The following EGFR variants were observed in gnomAD, a reference collection of about 807,000 sequenced individuals.
The protein encoded by EGFR is avian erythroblastic leukemia viral (v-erb-b) oncogene homolog.
Under a neutral mutation model 143.0 loss-of-function variants are expected in EGFR, and 58 were observed. That is an observed-to-expected ratio of 0.41 (90% CI 0.33 to 0.50). EGFR has a LOEUF of 0.50. EGFR is among the 20% of genes least tolerant of loss of function. EGFR has a pLI of 0.39. For synonymous variants in EGFR, 613 were observed against 594.4 expected (o/e 1.03, Z -0.45); for missense variants, 1,307 against 1,579.0 (o/e 0.83, Z 2.92).
intron 1 of EGFR, among the ~76,000 whole-genome samples, chr7:55,099,490 C>A (rs1225307743): frequency 6.6e-6 from 1 of 152,206 alleles, no homozygotes; most frequent in Non-Finnish European, 1.5e-5. Flanking sequence ...TGCTTGAAAT[C>A]GCTAAGCAGG....
At chr7:55,097,246 C>T (rs1244017474) in intron 1 of EGFR, among the ~76,000 whole-genome samples, 1 of 152,132 alleles carries the variant, frequency 6.6e-6, no homozygotes, top group African/African-American at 2.4e-5. Context: ...GCAGTACTGC[C>T]TGGAACGCAG....
intron 1 of EGFR, among the ~76,000 whole-genome samples, chr7:55,117,482 T>C (rs1157900820): frequency 6.6e-6 from 1 of 152,218 alleles, no homozygotes; most frequent in African/African-American, 2.4e-5. Context: ...GAACGGCTCT[T>C]GGCCATGGTT....
At chr7:55,172,379 G>A (rs1035687138) in intron 16 of EGFR, among the ~76,000 whole-genome samples, 1 of 152,164 alleles carries the variant, frequency 6.6e-6, no homozygotes, top group African/African-American at 2.4e-5. Context: ...GCACCCTACA[G>A]TCTGAGGCTG....
intron 1 of EGFR, among the ~76,000 whole-genome samples, chr7:55,090,815 A>T (rs1360902099): frequency 3.9e-5 from 6 of 152,230 alleles, no homozygotes; most frequent in African/African-American, 1.4e-4. Context: ...TGAGGCTAGT[A>T]AAAAGTGAAA....
chr7:55,101,800 C>T (rs1791847784), intron 1 of EGFR, among the ~76,000 whole-genome samples: 1 of 152,190 alleles, frequency 6.6e-6, no homozygotes, highest in African/African-American at 2.4e-5. Flanking sequence ...AAACTTAGAA[C>T]AAGTTTGCCT....
Position 55,142,298 on chromosome 7 carries a change from C to G in EGFR, c.101C>G (p.Thr34Arg), listed in dbSNP as rs144158123. ...CTTTTTCTTCCAGTTTGCCAAGGCACGAGTAACAAGCTCACGCAGTTGGGC... is the reference window on the plus strand; with the variant it reads ...CTTTTTCTTCCAGTTTGCCAAGGCAGGAGTAACAAGCTCACGCAGTTGGGC... ...ALEEKKVCQG[T>R]SNKLTQLGTF... The change falls in exon 2 of 28, where the codon ACG (threonine) becomes AGG (arginine). Residue 34 changes from threonine to arginine, a missense_variant. By Grantham distance (71) the Thr-to-Arg change is moderately conservative (BLOSUM62 -1). Around this residue, in one of 7 missense-constraint regions of EGFR, gnomAD observed 311 missense variants for 412.3 expected, o/e 0.75. Transcript: ENST00000275493. 6.2e-7 allele frequency: 1 copy of G among 1,614,064 alleles called. No individual in the cohort carries two copies. The highest frequency in any genetic ancestry group is 1.3e-5 in the African/African-American group (1 of 74,932).
chr7:55,090,212 C>G (rs1009375686), intron 1 of EGFR, among the ~76,000 whole-genome samples: 3 of 152,204 alleles, frequency 2.0e-5, no homozygotes, highest in African/African-American at 7.2e-5. Flanking sequence ...CGTGATCCAC[C>G]CACCTCGGCT....
chr7:55,096,690 G>A (rs1020886696), intron 1 of EGFR, among the ~76,000 whole-genome samples: 6 of 152,166 alleles, frequency 3.9e-5, no homozygotes, highest in African/African-American at 1.2e-4. Flanking sequence ...AAGTGGACAC[G>A]TGTTGGTCCC....
At chr7:55,198,109 G>A (rs796902694) in intron 22 of EGFR, among the ~76,000 whole-genome samples, 12 of 152,230 alleles carry the variant, frequency 7.9e-5, no homozygotes, top group African/African-American at 2.9e-4. Context: ...GTAGAATTTG[G>A]CTATGAATCC....
intron 20 of EGFR, chr7:55,182,481 CA>C (rs1180330802): frequency 2.0e-5 from 3 of 152,238 alleles, no homozygotes. Context: ...AGGTGACCTA[CA>C]AGAAGACAAA....
At chr7:55,154,235 C>T (rs1785299231) in intron 7 of EGFR, 83 bp downstream of exon 7, 5 of 1,598,066 alleles carry the variant, frequency 3.1e-6, no homozygotes, top group Admixed American at 3.4e-5. Flanking sequence ...AGTATCCCAT[C>T]TTGGAGAGTC....
intron 1 of EGFR, among the ~76,000 whole-genome samples, chr7:55,082,439 C>T (rs981724750): frequency 6.6e-6 from 1 of 152,002 alleles, no homozygotes; most frequent in African/African-American, 2.4e-5. Flanking sequence ...TTTGGAGACT[C>T]ACAGCAATAG....
At position 55,208,554 on chromosome 7, in the gene EGFR, T is replaced by A. The variant is rs1435249992; in HGVS notation, c.*2937T>A. 1 of 152,160 alleles carries A rather than the reference T, an allele frequency of 6.6e-6. No homozygotes were observed. The highest frequency in any genetic ancestry group is 2.4e-5 in the African/African-American group (1 of 41,422). The allele number at this position is 152,160 out of a possible 1,614,324, so 9.4% of individuals were successfully genotyped here. A position where few individuals can be genotyped will look rare whatever the true frequency, so the allele number is the denominator to read the frequency against. ...AGCCTTCGTGCATCTTCTTGCATCA[T>A]CTCTAAGGAGCTCCTCTAATTACAC... On this transcript the variant is annotated 3_prime_UTR_variant, in exon 28 of 28. Transcript: ENST00000275493.
chr7:55,064,630 C>T (rs1789393816), intron 1 of EGFR, among the ~76,000 whole-genome samples: 1 of 152,122 alleles, frequency 6.6e-6, no homozygotes, highest in South Asian at 2.1e-4. Flanking sequence ...CGGTTTAAAC[C>T]TAATTAGAAA....
intron 1 of EGFR, among the ~76,000 whole-genome samples, chr7:55,048,166 G>A (rs1788288316): frequency 6.6e-6 from 1 of 151,988 alleles, no homozygotes; most frequent in Non-Finnish European, 1.5e-5. Context: ...AAAATCCTTA[G>A]ACCCCCCCTC....
At position 55,083,577 on chromosome 7, in the gene EGFR, C is replaced by T. The variant is rs115427890; in HGVS notation, c.89-58709C>T. On this transcript the variant is annotated intron_variant, in intron 1 of 27. Coordinates refer to ENST00000275493, the MANE Select transcript of EGFR (RefSeq NM_005228.5). ...CAGTATAACCAAAACAGGCACATGG[C>T]GAGGCACACTGTGCGCATGTGTGTA... 3.9e-3 allele frequency among the ~76,000 whole-genome samples: 586 copies of T among 152,026 alleles called. 6 individuals carry two copies. Among genetic ancestry groups the T allele is most frequent in the African/African-American group, 0.013 (543 of 41,434 alleles).
intron 1 of EGFR, among the ~76,000 whole-genome samples, chr7:55,044,392 T>G (rs1450693268): frequency 6.6e-6 from 1 of 152,338 alleles, no homozygotes; most frequent in East Asian, 1.9e-4. Context: ...GAAATAATGT[T>G]GTTTGTGCCA....
chr7:55,125,729 G>C (rs535160551), intron 1 of EGFR, among the ~76,000 whole-genome samples: 2 of 152,218 alleles, frequency 1.3e-5, no homozygotes, highest in East Asian at 3.8e-4. Context: ...TGACCCAGGC[G>C]AAGTCCAGAG....
At position 55,192,808 on chromosome 7, in the gene EGFR, A is replaced by C; in HGVS notation, c.2668A>C (p.Ile890Leu). The C allele has an allele frequency of 6.2e-7, 1 of 1,614,166 alleles. No homozygotes were observed. The highest frequency in any genetic ancestry group is 8.5e-7 in the Non-Finnish European group (1 of 1,180,024). ...WMALESILHR[I>L]YTHQSDVWSY... ...GGCATTGGAATCAATTTTACACAGA[A>C]TCTATACCCACCAGAGTGATGTCTG... Residue 890 changes from isoleucine to leucine, a missense_variant, in exon 22 of 28, where the codon ATC (isoleucine) becomes CTC (leucine). By Grantham distance (5) the Ile-to-Leu change is conservative. This residue lies in a region of EGFR where 348 missense variants were observed against 451.5 expected (regional missense o/e 0.77). Transcript: ENST00000275493.
Sources: gnomAD v4.1 joint callset for allele counts (sites outside exome capture counted in the v4.1 genomes callset) on GRCh38, gnomAD v4.1.1 for gene constraint, gnomAD v4.1.1 regional missense constraint, MANE v1.5 for transcripts, NCBI Gene and HGNC (gene_info 2026-07-23, HGNC 2026-07-21) for gene names.